MEF2B: variants seen among roughly 807,000 people sequenced by gnomAD.
The protein encoded by MEF2B is myocyte enhancer factor 2B.
MEF2B carries 15 observed loss-of-function variants against 32.2 expected under a neutral mutation model. The observed-to-expected ratio is 0.47, with a 90% CI of 0.31 to 0.72. MEF2B has a LOEUF of 0.72. Ranked by LOEUF, MEF2B falls within the 30% of genes least tolerant of loss-of-function variation. The pLI, the probability that MEF2B is intolerant of heterozygous loss-of-function variation, is 0.05. For missense variants in MEF2B, 441 were observed against 511.5 expected, an observed-to-expected ratio of 0.86 and a Z score of 1.33; for synonymous variants, 205 against 225.6, an observed-to-expected ratio of 0.91 and a Z score of 0.82.
Position 19,147,089 on chromosome 19 carries a change from G to C in MEF2B, c.488C>G (p.Ala163Gly). ...DPSGLGEALP[A>G]QSRPSPFRPA... ...TCGGAAGGGAGATGGGCGGCTCTGG[G>C]CGGGCAGTGCTTCCCCAAGCCCACT... Residue 163 changes from alanine to glycine, a missense_variant, in exon 5 of 9, where the codon GCC becomes GGC. Around this residue, in one of 2 missense-constraint regions of MEF2B, gnomAD observed 326 missense variants for 328.4 expected, o/e 0.99. Coordinates refer to ENST00000424583, the MANE Select transcript of MEF2B (RefSeq NM_001145785.2). 1 of 1,609,492 alleles carries C rather than the reference G, an allele frequency of 6.2e-7. No homozygotes were observed. Among genetic ancestry groups the C allele is most frequent in the African/African-American group, 1.3e-5 (1 of 74,912 alleles).
chr19:19,167,489 T>C (rs139979967), intron 1 of MEF2B, among the ~76,000 whole-genome samples: 4 of 152,010 alleles, frequency 2.6e-5, no homozygotes, highest in Non-Finnish European at 2.9e-5. Context: ...ACCACTTTAC[T>C]CTAGCCTGGG....
intron 1 of MEF2B, among the ~76,000 whole-genome samples, chr19:19,161,399 A>T (rs1027610645): frequency 6.6e-6 from 1 of 152,054 alleles, no homozygotes; most frequent in Admixed American, 6.6e-5. Flanking sequence ...CCGAAACAAC[A>T]GATCCCCCAA....
Position 19,145,757 on chromosome 19 carries a change from A to G in MEF2B, c.*40T>C, listed in dbSNP as rs1265532718. ...TGGGGTCCCCACGTGCCCTCGCCGT[A>G]CCTGGCGAGCGCTCTGGGCTGGTGC... On this transcript the variant is annotated 3_prime_UTR_variant, in exon 9 of 9. Coordinates refer to ENST00000424583, the MANE Select transcript of MEF2B (RefSeq NM_001145785.2). The surrounding 1 kb of genome is among the most constrained non-coding windows in gnomAD (Gnocchi z 4.6). 6.4e-7 allele frequency: 1 copy of G among 1,556,706 alleles called. No homozygotes were observed. Among genetic ancestry groups the G allele is most frequent in the Non-Finnish European group, 8.7e-7 (1 of 1,150,520 alleles).
chr19:19,146,984 CA>C, intron 5 of MEF2B, 51 bp downstream of exon 5: 1 of 1,562,748 alleles, frequency 6.4e-7, no homozygotes, highest in Non-Finnish European at 8.7e-7. Context: ...AGCCAAGATG[CA>C]CCCAAACAGC....
chr19:19,161,311 G>C (rs1411734228), intron 1 of MEF2B, among the ~76,000 whole-genome samples: 6 of 152,002 alleles, frequency 3.9e-5, no homozygotes, highest in Non-Finnish European at 8.8e-5. Flanking sequence ...CTCCATCCTT[G>C]TATGGGCATA....
chr19:19,165,986 G>C (rs1163426925), intron 1 of MEF2B, among the ~76,000 whole-genome samples: 1 of 152,096 alleles, frequency 6.6e-6, no homozygotes, highest in African/African-American at 2.4e-5. Context: ...GCCCAGATGG[G>C]ACCTTCTGTT....
intron 5 of MEF2B, 80 bp from the exon 6 acceptor site, chr19:19,146,955 C>T (rs955240544): frequency 2.0e-4 from 312 of 1,566,880 alleles, no homozygotes; most frequent in Non-Finnish European, 2.6e-4. Context: ...AGGTGATGCA[C>T]GCAGCCTGGC....
intron 2 of MEF2B, among the ~76,000 whole-genome samples, chr19:19,149,841 G>A (rs978675413): frequency 6.6e-6 from 1 of 152,012 alleles, no homozygotes; most frequent in Non-Finnish European, 1.5e-5. Flanking sequence ...CACTTTGGGA[G>A]GCCCAGGCAG....
At chr19:19,158,445 TAAAA>T (rs370149412) in intron 1 of MEF2B, among the ~76,000 whole-genome samples, 7 of 124,112 alleles carry the variant, frequency 5.6e-5, no homozygotes, top group Admixed American at 2.4e-4. Flanking sequence ...ACCCTGCCCC[TAAAA>T]AAAAAAAAAA....
rs3729766 is a variant in MEF2B at position 19,149,179 on chromosome 19, C to T, written c.258+47G>A. ...CAAGAGTCCCTGGGCTCTGAGAAAGCAGCGTGCACGGGGCCTTGTGGGGCT... is the reference window on the plus strand; with the variant it reads ...CAAGAGTCCCTGGGCTCTGAGAAAGTAGCGTGCACGGGGCCTTGTGGGGCT... On this transcript the variant is annotated intron_variant, in intron 3 of 8. Coordinates refer to ENST00000424583, the MANE Select transcript of MEF2B (RefSeq NM_001145785.2). The T allele has an allele frequency of 4.3e-3, 6,881 of 1,602,248 alleles. 251 individuals are homozygous for T. The African/African-American group carries it at 0.079, about 18-fold the overall frequency.
chr19:19,165,392 G>A (rs766507357), intron 1 of MEF2B, among the ~76,000 whole-genome samples: 2 of 152,040 alleles, frequency 1.3e-5, no homozygotes, highest in African/African-American at 4.8e-5. Context: ...GCAGTGAGCC[G>A]AGATCGCACC....
At chr19:19,167,004 G>A (rs1369243596) in intron 1 of MEF2B, among the ~76,000 whole-genome samples, 3 of 152,116 alleles carry the variant, frequency 2.0e-5, no homozygotes, top group African/African-American at 7.2e-5. Flanking sequence ...AGGAATTCAC[G>A]ACCAGCCTGG....
At chr19:19,147,483 A>AG (rs371667016) in intron 4 of MEF2B, among the ~76,000 whole-genome samples, 2 of 68,754 alleles carry the variant, frequency 2.9e-5, no homozygotes, top group Non-Finnish European at 6.6e-5. Context: ...GAAATGAAGG[A>AG]AGGAACTGTT....
At chr19:19,151,579 T>C (rs2060080195) in intron 1 of MEF2B, among the ~76,000 whole-genome samples, 1 of 151,886 alleles carries the variant, frequency 6.6e-6, no homozygotes. Flanking sequence ...ACAGGGGACG[T>C]CCCCGCTCCG....
At position 19,154,845 on chromosome 19, in the gene MEF2B, C is replaced by T. The variant is rs142155748; in HGVS notation, c.-29-4081G>A. Among the ~76,000 whole-genome samples, 50 of 152,272 alleles carry T rather than the reference C, an allele frequency of 3.3e-4. 1 individual carries two copies. Among genetic ancestry groups the T allele is most frequent in the Non-Finnish European group, 5.0e-4 (34 of 68,014 alleles). On this transcript the variant is annotated intron_variant, in intron 1 of 8. Transcript: ENST00000424583. ...TGGAGGCCAGGGTGGAGATCATGGG[C>T]GGCTGGAGAGAAGGCAAGGGCTGTG... is the stretch of plus-strand genomic sequence containing the variant.
intron 1 of MEF2B, among the ~76,000 whole-genome samples, chr19:19,165,676 CTG>C (rs2060202158): frequency 6.6e-6 from 1 of 152,082 alleles, no homozygotes; most frequent in East Asian, 1.9e-4. Context: ...AGGGGGAGGA[CTG>C]TGGTCTGATT....
intron 1 of MEF2B, among the ~76,000 whole-genome samples, chr19:19,165,080 A>C (rs1319589502): frequency 2.6e-5 from 4 of 152,142 alleles, no homozygotes; most frequent in Non-Finnish European, 5.9e-5. Context: ...GGACACTGTC[A>C]GTCCCCAATA....
intron 2 of MEF2B, 142 bp from the exon 3 acceptor site, chr19:19,149,571 A>G: frequency 7.7e-6 from 9 of 1,169,498 alleles, no homozygotes; most frequent in Non-Finnish European, 1.1e-5. Context: ...TCATGTCACA[A>G]CCTGGCAAAC....
chr19:19,151,057 A>G (rs559070118), intron 1 of MEF2B, among the ~76,000 whole-genome samples: 1 of 152,296 alleles, frequency 6.6e-6, no homozygotes, highest in African/African-American at 2.4e-5. Context: ...GTTTGAGGCC[A>G]GCCTGGGCAA....
Sources: gnomAD v4.1 joint callset for allele counts (sites outside exome capture counted in the v4.1 genomes callset) on GRCh38, gnomAD v4.1.1 for gene constraint, gnomAD v4.1.1 regional missense constraint, Gnocchi (gnomAD v3.1) non-coding constraint, MANE v1.5 for transcripts, NCBI Gene and HGNC (gene_info 2026-07-23, HGNC 2026-07-21) for gene names.